PMS1: variants seen among roughly 807,000 people sequenced by gnomAD.
The protein encoded by PMS1 is PMS1 protein homolog 1.
Under a neutral mutation model 93.1 loss-of-function variants are expected in PMS1, and 79 were observed. That is an observed-to-expected ratio of 0.85 (90% CI 0.71 to 1.02). PMS1 has a LOEUF of 1.02. Among genes scored for constraint, PMS1 ranks in the 50% least tolerant of loss-of-function variants. PMS1 has a pLI of 0.00. For synonymous variants in PMS1, 335 were observed against 363.4 expected, an observed-to-expected ratio of 0.92 and a Z score of 0.89; for missense variants, 1,064 against 1,085.3, an observed-to-expected ratio of 0.98 and a Z score of 0.28.
chr2:189,792,464 G>A (rs2106215717), intron 2 of PMS1, among the ~76,000 whole-genome samples: 1 of 151,798 alleles, frequency 6.6e-6, no homozygotes, highest in Non-Finnish European at 1.5e-5. Flanking sequence ...TGTGTCCTCT[G>A]TACCTGGCTA....
intron 4 of PMS1, chr2:189,806,790 T>C (rs2050386331): frequency 4.9e-6 from 1 of 202,956 alleles, no homozygotes; most frequent in South Asian, 1.9e-4. Context: ...TTAATCTTTT[T>C]TTAATAATTT....
chr2:189,785,683 CTAATCTGTTGGCAGGTG>C (rs893774324), intron 1 of PMS1, among the ~76,000 whole-genome samples: 1 of 151,556 alleles, frequency 6.6e-6, no homozygotes, highest in Non-Finnish European at 1.5e-5. Flanking sequence ...GAAGGAATAC[CTAATCTGTTGGCAGGTG>C]AAGGAAAGGA....
At chr2:189,840,515 A>G (rs1026137096) in intron 5 of PMS1, among the ~76,000 whole-genome samples, 5 of 152,262 alleles carry the variant, frequency 3.3e-5, no homozygotes, top group Non-Finnish European at 7.3e-5. Context: ...TTAATTTAAC[A>G]TACTTTATGT....
chr2:189,833,571 A>ACT (rs200875738), intron 5 of PMS1, among the ~76,000 whole-genome samples: 2,699 of 152,280 alleles, frequency 0.018, 78 homozygotes, highest in African/African-American at 0.061. Context: ...ACAGAGTGAG[A>ACT]CTGTCTCAAA....
intron 9 of PMS1, among the ~76,000 whole-genome samples, chr2:189,858,227 T>TA (rs2106479362): frequency 6.6e-6 from 1 of 152,222 alleles, no homozygotes; most frequent in Admixed American, 6.5e-5. Flanking sequence ...TCTAGTGGAT[T>TA]AAAATCCAGA....
intron 5 of PMS1, among the ~76,000 whole-genome samples, chr2:189,838,990 T>A (rs894090941): frequency 7.9e-6 from 1 of 127,090 alleles, no homozygotes; most frequent in Non-Finnish European, 1.7e-5. Context: ...ATACAATCAC[T>A]TTTTTTTTTC....
intron 6 of PMS1, among the ~76,000 whole-genome samples, chr2:189,852,410 A>G (rs1376593926): frequency 6.6e-6 from 1 of 152,202 alleles, no homozygotes; most frequent in Admixed American, 6.5e-5. Context: ...ATTCATGAAG[A>G]TTTTATAAAT....
intron 6 of PMS1, among the ~76,000 whole-genome samples, chr2:189,849,858 ATTTTTAAACTTTTTT>A (rs1411335976): frequency 3.7e-5 from 4 of 108,820 alleles, no homozygotes; most frequent in African/African-American, 1.2e-4. Flanking sequence ...TGGCCACGGT[ATTTTTAAACTTTTTT>A]TTTTTTTTTT....
intron 5 of PMS1, among the ~76,000 whole-genome samples, chr2:189,823,188 T>G (rs1244822992): frequency 6.6e-6 from 1 of 152,168 alleles, no homozygotes; most frequent in Non-Finnish European, 1.5e-5. Context: ...AAAATTTAAC[T>G]GAAAAAACTC....
At chr2:189,849,774 T>G (rs1303879016) in intron 6 of PMS1, among the ~76,000 whole-genome samples, 1 of 152,134 alleles carries the variant, frequency 6.6e-6, no homozygotes, top group Non-Finnish European at 1.5e-5. Context: ...TCTTAGCCAG[T>G]TTGGCTCAGC....
intron 4 of PMS1, among the ~76,000 whole-genome samples, chr2:189,809,729 C>T (rs538819204): frequency 3.4e-4 from 51 of 151,966 alleles, no homozygotes; most frequent in Non-Finnish European, 6.8e-4. Flanking sequence ...CCTGTAATCC[C>T]ACTGAGGCAG....
intron 5 of PMS1, among the ~76,000 whole-genome samples, chr2:189,831,762 A>G (rs535461717): frequency 1.8e-4 from 28 of 152,280 alleles, no homozygotes; most frequent in African/African-American, 6.7e-4. Context: ...TCTAGGCTGG[A>G]TAGTATTTAT....
intron 5 of PMS1, among the ~76,000 whole-genome samples, chr2:189,831,528 GATTT>G (rs1202912339): frequency 2.0e-5 from 3 of 152,190 alleles, no homozygotes; most frequent in Non-Finnish European, 4.4e-5. Flanking sequence ...GAAGATAACT[GATTT>G]ATTTAACTTA....
At chr2:189,784,736 C>T in intron 1 of PMS1, 143 bp downstream of exon 1, 1 of 152,854 alleles carries the variant, frequency 6.5e-6, no homozygotes, top group Non-Finnish European at 1.5e-5. Flanking sequence ...GCCGGGCTTG[C>T]GGGCGCGCAC....
Position 189,864,791 on chromosome 2 carries a change from T to C in PMS1, c.2342+563T>C, listed in dbSNP as rs2056496693. ...AATAGTATCAGAATACTCTAGATAG[T>C]TCACTTCTACATTTAATAAGTATGA... On this transcript the variant is annotated intron_variant, in intron 10 of 12. Coordinates refer to ENST00000441310, the MANE Select transcript of PMS1 (RefSeq NM_000534.5). Among the ~76,000 whole-genome samples, 7 of 134,588 alleles carry C rather than the reference T, an allele frequency of 5.2e-5. 1 individual carries two copies. In the Admixed American group the frequency reaches 5.5e-4, roughly 11 times the overall value. 88.3% of individuals were successfully genotyped at this position (134,588 alleles called of 152,430 possible).
At chr2:189,822,152 T>C (rs2051968520) in intron 5 of PMS1, among the ~76,000 whole-genome samples, 1 of 152,166 alleles carries the variant, frequency 6.6e-6, no homozygotes, top group Non-Finnish European at 1.5e-5. Flanking sequence ...GGTTGCCGAC[T>C]GTGGCGCGGG....
chr2:189,799,638 T>C (rs1317402394), intron 3 of PMS1, among the ~76,000 whole-genome samples: 3 of 152,244 alleles, frequency 2.0e-5, no homozygotes, highest in Non-Finnish European at 4.4e-5. Flanking sequence ...GGAACTTTTA[T>C]AGTAGTAGGG....
intron 11 of PMS1, among the ~76,000 whole-genome samples, chr2:189,872,739 C>T (rs900566276): frequency 9.2e-5 from 14 of 152,072 alleles, no homozygotes; most frequent in Non-Finnish European, 1.9e-4. Flanking sequence ...ATCAAGTGAT[C>T]CTCCCATCTC....
intron 6 of PMS1, among the ~76,000 whole-genome samples, chr2:189,850,912 C>T (rs1314713743): frequency 9.2e-5 from 14 of 151,968 alleles, no homozygotes; most frequent in Admixed American, 6.6e-5. Context: ...AAGAGAGGGG[C>T]GGACCATAGT....
Sources: allele counts gnomAD v4.1 joint callset (sites outside exome capture counted in the v4.1 genomes callset), GRCh38; gene constraint gnomAD v4.1.1; transcripts MANE v1.5; gene names NCBI Gene and HGNC (gene_info 2026-07-23, HGNC 2026-07-21).